CLEC4M: variants seen among roughly 807,000 people sequenced by gnomAD.
CLEC4M encodes C-type lectin domain family 4 member M.
In CLEC4M, 25 loss-of-function variants were observed where a neutral mutation model predicts 39.1. That is an observed-to-expected ratio of 0.64 (90% CI 0.47 to 0.89). The LOEUF is 0.89. Among genes scored for constraint, CLEC4M ranks in the 40% least tolerant of loss-of-function variants. The pLI is 0.00. For synonymous variants in CLEC4M, 155 were observed against 177.4 expected (o/e 0.87, Z 1.00); for missense variants, 353 against 431.4 (o/e 0.82, Z 1.61).
chr19:7,767,855 G>A, intron 6 of CLEC4M: 1 of 509,710 alleles, frequency 2.0e-6, no homozygotes, highest in South Asian at 2.5e-5. Context: ...CTGTGGGTAG[G>A]TGTGTTAAAA....
intron 6 of CLEC4M, chr19:7,768,483 A>C (rs1054132046): frequency 5.7e-6 from 1 of 176,192 alleles, no homozygotes; most frequent in Non-Finnish European, 1.2e-5. Context: ...CTGAGGCAGG[A>C]GAATCACTTG....
intron 2 of CLEC4M, among the ~76,000 whole-genome samples, chr19:7,764,912 A>C (rs1268026395): frequency 6.6e-6 from 1 of 151,736 alleles, no homozygotes; most frequent in Non-Finnish European, 1.5e-5. Context: ...TTCCTGTTCC[A>C]CTGGGGAGGT....
chr19:7,763,343 G>A lies in CLEC4M; in HGVS notation c.46+31G>A, dbSNP rs1013145025. The stretch of plus-strand genomic sequence containing the variant: ...GCTGGGTTGGAACTCTGGGATCCTG[G>A]GTAAGGGGAAGGGATGGCCCAGGCT... On this transcript the variant is annotated intron_variant, in intron 1 of 6. Coordinates refer to ENST00000327325, the MANE Select transcript of CLEC4M (RefSeq NM_014257.5). 3 of 1,612,448 alleles carry A rather than the reference G, an allele frequency of 1.9e-6. No homozygotes were observed. The African/African-American group carries it at 4.0e-5, about 22-fold the overall frequency.
Position 7,763,312 on chromosome 19 carries a change from G to C in CLEC4M, c.46G>C (p.Glu16Gln). ...EPRVQQLGLL[E>Q]EDPTTSGIRL... is the part of the protein sequence containing the mutation. Reference sequence around the variant, plus strand: ...AAGGGTGCAGCAGCTGGGCCTCCTGGGTAAGGCTGGGTTGGAACTCTGGGA... The same window carrying C: ...AAGGGTGCAGCAGCTGGGCCTCCTGCGTAAGGCTGGGTTGGAACTCTGGGA... Residue 16 changes from glutamate to glutamine, a missense_variant and splice_region_variant, in exon 1 of 7, where the codon GAA (glutamate) becomes CAA (glutamine). Glu to Gln is a conservative substitution (Grantham distance 29, BLOSUM62 2). Transcript: ENST00000327325. 6.2e-7 allele frequency: 1 copy of C among 1,610,410 alleles called. No individual in the cohort carries two copies. The highest frequency in any genetic ancestry group is 1.7e-4 in the Middle Eastern group (1 of 6,028).
chr19:7,765,150 A>G lies in CLEC4M; in HGVS notation c.131-35A>G, dbSNP rs373961931. ...TCTCCCTGGGCCAGGCTCAGGTGGG[A>G]ACACTGGCAGGCTGACGCATGTATC... On this transcript the variant is annotated intron_variant, in intron 2 of 6. Transcript: ENST00000327325. 77 of 1,610,332 alleles carry G rather than the reference A, an allele frequency of 4.8e-5. No homozygotes were observed. In the African/African-American group the frequency reaches 6.6e-4, roughly 14 times the overall value.
At position 7,767,534 on chromosome 19, in the gene CLEC4M, A is replaced by G. The variant is rs762825731; in HGVS notation, c.955A>G (p.Thr319Ala). 57 of 1,613,988 alleles carry G rather than the reference A, an allele frequency of 3.5e-5. No homozygotes were observed. Among genetic ancestry groups the G allele is most frequent in the African/African-American group, 8.0e-5 (6 of 74,886 alleles). ...CCTCCAGAACTTCCTACAGCTGCAG[A>G]CTTCCAGGAGTAACCGCTTCTCCTG... The part of the protein sequence containing the change: ...AEEQNFLQLQ[T>A]SRSNRFSWMG... Residue 319 changes from threonine (T) to alanine (A), a missense_variant, in exon 6 of 7, where the codon ACT becomes GCT. Physicochemically the swap from Thr to Ala is moderately conservative, Grantham distance 58. Coordinates refer to ENST00000327325, the MANE Select transcript of CLEC4M (RefSeq NM_014257.5).
At chr19:7,766,369 C>T in intron 4 of CLEC4M, 162 bp downstream of exon 4, 1 of 1,477,366 alleles carries the variant, frequency 6.8e-7, no homozygotes. Context: ...GTGGGCCAGG[C>T]ACACAGTAGA....
At chr19:7,766,302 C>T (rs1444418931) in intron 4 of CLEC4M, 95 bp downstream of exon 4, 4 of 1,562,228 alleles carry the variant, frequency 2.6e-6, no homozygotes, top group African/African-American at 1.4e-5. Context: ...GCCTCAGTTT[C>T]CTCCCCTGTG....
In CLEC4M at chr19:7,766,829, G is replaced by T. The variant is rs375341263; in HGVS notation, c.936+22G>T. On this transcript the variant is annotated intron_variant, in intron 5 of 6. Transcript: ENST00000327325. ...GCAGGTACACGTGGTGGGGGTCCTCGTCCTGGCCTGGGGCATGGCTTCTGG... is the reference window on the plus strand; with the variant it reads ...GCAGGTACACGTGGTGGGGGTCCTCTTCCTGGCCTGGGGCATGGCTTCTGG... The T allele has an allele frequency of 9.9e-6, 16 of 1,614,002 alleles. No individual in the cohort carries two copies. The African/African-American group carries it at 1.7e-4, about 18-fold the overall frequency.
chr19:7,765,502 G>C, intron 3 of CLEC4M, 136 bp from the exon 4 acceptor site: 4 of 1,411,082 alleles, frequency 2.8e-6, no homozygotes, highest in Non-Finnish European at 3.8e-6. Flanking sequence ...CCTTCTCCAG[G>C]TGTCAGTTTT....
At chr19:7,767,991 G>T (rs748514533) in intron 6 of CLEC4M, 1 of 177,928 alleles carries the variant, frequency 5.6e-6, no homozygotes, top group Non-Finnish European at 1.2e-5. Flanking sequence ...TTCACAGCAG[G>T]GGGCCGCTGG....
Position 7,767,588 on chromosome 19 carries a change from G to A in CLEC4M, c.1009G>A (p.Gly337Ser), listed in dbSNP as rs1425417382. The change falls in exon 6 of 7, where the codon GGC (glycine) becomes AGC (serine). Residue 337 changes from glycine to serine, a missense_variant. By Grantham distance (56) the Gly-to-Ser change is moderately conservative. Coordinates refer to ENST00000327325, the MANE Select transcript of CLEC4M (RefSeq NM_014257.5). ...WMGLSDLNQE[G>S]TWQWVDGSPL... ...GGGACTTTCAGACCTAAATCAGGAA[G>A]GCACGTGGCAATGGGTGGACGGCTC... 1.2e-6 allele frequency: 2 copies of A among 1,614,062 alleles called. No homozygotes were observed. The highest frequency in any genetic ancestry group is 2.7e-5 in the African/African-American group (2 of 74,934).
At chr19:7,766,881 G>C in intron 5 of CLEC4M, 74 bp downstream of exon 5, 1 of 1,605,654 alleles carries the variant, frequency 6.2e-7, no homozygotes, top group Non-Finnish European at 8.5e-7. Context: ...TGCTCAGAGA[G>C]GATTTTGCAG....
chr19:7,766,623 C>T (rs372984727), intron 4 of CLEC4M, 33 bp from the exon 5 acceptor site: 61 of 1,613,536 alleles, frequency 3.8e-5, no homozygotes, highest in Non-Finnish European at 4.7e-5. Flanking sequence ...ACAACCTAAT[C>T]TGAGCCCAGC....
At chr19:7,768,769 T>C (rs2034391264) in intron 6 of CLEC4M, 69 bp from the exon 7 acceptor site, 1 of 1,553,374 alleles carries the variant, frequency 6.4e-7, no homozygotes, top group African/African-American at 1.4e-5. Flanking sequence ...GCATCAATAT[T>C]ACAGAAGGTA....
intron 1 of CLEC4M, 40 bp from the exon 2 acceptor site, chr19:7,763,353 A>G (rs1310297375): frequency 6.2e-7 from 1 of 1,612,322 alleles, no homozygotes; most frequent in African/African-American, 1.3e-5. Flanking sequence ...GGTAAGGGGA[A>G]GGGATGGCCC....
chr19:7,767,177 A>G, intron 5 of CLEC4M: 1 of 426,990 alleles, frequency 2.3e-6, no homozygotes, highest in Non-Finnish European at 4.3e-6. Flanking sequence ...AGCTGAAAGG[A>G]GATGTGCTGG....
At chr19:7,767,255 G>T in intron 5 of CLEC4M, 1 of 476,746 alleles carries the variant, frequency 2.1e-6, no homozygotes, top group Admixed American at 3.4e-5. Flanking sequence ...AAATTCATGT[G>T]GACATGCAAA....
At chr19:7,764,512 A>G (rs1409891543) in intron 2 of CLEC4M, among the ~76,000 whole-genome samples, 2 of 151,662 alleles carry the variant, frequency 1.3e-5, no homozygotes, top group African/African-American at 4.8e-5. Flanking sequence ...TTTTTGAGAC[A>G]GAGTCTTGCT....
Sources: allele counts gnomAD v4.1 joint callset (sites outside exome capture counted in the v4.1 genomes callset), GRCh38; gene constraint gnomAD v4.1.1; transcripts MANE v1.5; gene names NCBI Gene and HGNC (gene_info 2026-07-23, HGNC 2026-07-21).